The following FBXL13 variants were observed in gnomAD, a reference collection of about 807,000 sequenced individuals.
The protein encoded by FBXL13 is F-box and leucine-rich repeat protein 13.
A neutral mutation model predicts 83.6 loss-of-function variants in FBXL13; 67 were observed. The observed-to-expected ratio is 0.80, with a 90% confidence interval of 0.66 to 0.98. The LOEUF is 0.98. FBXL13 is among the 50% of genes least tolerant of loss of function. FBXL13 has a pLI of 0.00. For missense variants in FBXL13, 822 were observed against 866.5 expected (o/e 0.95, Z 0.64); for synonymous variants, 272 against 299.5 (o/e 0.91, Z 0.95).
chr7:102,937,856 C>T (rs1820629784), intron 8 of FBXL13, among the ~76,000 whole-genome samples: 1 of 152,080 alleles, frequency 6.6e-6, no homozygotes, highest in African/African-American at 2.4e-5. Context: ...ACAAGTATAC[C>T]ACATATACAT....
intron 6 of FBXL13, among the ~76,000 whole-genome samples, chr7:102,982,432 A>G (rs1237517451): frequency 6.6e-6 from 1 of 152,136 alleles, no homozygotes; most frequent in Admixed American, 6.5e-5. Context: ...CAGAGTATAT[A>G]CAGATTCCTA....
chr7:103,049,400 T>C (rs948405945), intron 2 of FBXL13, among the ~76,000 whole-genome samples: 2 of 152,258 alleles, frequency 1.3e-5, no homozygotes, highest in Non-Finnish European at 2.9e-5. Context: ...TTAAGTTACA[T>C]GAACTAAAAA....
chr7:102,849,327 T>A (rs953962612), intron 17 of FBXL13, among the ~76,000 whole-genome samples: 1 of 152,190 alleles, frequency 6.6e-6, no homozygotes, highest in African/African-American at 2.4e-5. Flanking sequence ...AGCCAGATCC[T>A]AAAAGTCAAT....
intron 6 of FBXL13, among the ~76,000 whole-genome samples, chr7:103,020,742 A>G (rs970079170): frequency 1.3e-5 from 2 of 152,234 alleles, no homozygotes; most frequent in African/African-American, 4.8e-5. Flanking sequence ...AATTGCTTCA[A>G]AGAGAATAAA....
chr7:102,842,244 C>T (rs1000158398), intron 17 of FBXL13, among the ~76,000 whole-genome samples: 3 of 152,142 alleles, frequency 2.0e-5, no homozygotes, highest in East Asian at 1.9e-4. Flanking sequence ...GCTTCTGTTG[C>T]GAACCATAAA....
intron 8 of FBXL13, chr7:102,944,371 T>C (rs1822059236): frequency 6.2e-7 from 1 of 1,614,112 alleles, no homozygotes; most frequent in Non-Finnish European, 8.5e-7. Context: ...CCTCTACTAC[T>C]GGTTAAAGCA....
exon 6 of FBXL13, chr7:103,025,191 T>A: frequency 6.3e-7 from 1 of 1,586,852 alleles, no homozygotes; most frequent in Non-Finnish European, 8.6e-7. Context: ...AGTATTAACC[T>A]ATTTTTCCAT....
chr7:102,813,889 C>T (rs1797639494), intron 19 of FBXL13, among the ~76,000 whole-genome samples: 1 of 152,096 alleles, frequency 6.6e-6, no homozygotes, highest in African/African-American at 2.4e-5. Flanking sequence ...AACCAGCCTA[C>T]CTGTGAAGGC....
At chr7:103,055,469 C>A (rs1227153972) in intron 2 of FBXL13, among the ~76,000 whole-genome samples, 175 bp downstream of exon 2, 1 of 152,156 alleles carries the variant, frequency 6.6e-6, no homozygotes, top group Non-Finnish European at 1.5e-5. Context: ...AGGTTGAGAT[C>A]TAGTGGGCAA....
intron 2 of FBXL13, among the ~76,000 whole-genome samples, chr7:103,048,751 CAG>C (rs2129494573): frequency 6.6e-6 from 1 of 152,308 alleles, no homozygotes; most frequent in South Asian, 2.1e-4. Context: ...TTTTCACACA[CAG>C]AATTTCTTTT....
At chr7:102,872,279 C>T (rs1460967620) in intron 16 of FBXL13, among the ~76,000 whole-genome samples, 3 of 152,182 alleles carry the variant, frequency 2.0e-5, no homozygotes, top group African/African-American at 7.2e-5. Flanking sequence ...GTCTTACTCA[C>T]ATTTGTTAAT....
chr7:102,905,963 G>A, intron 11 of FBXL13, among the ~76,000 whole-genome samples: 1 of 152,128 alleles, frequency 6.6e-6, no homozygotes, highest in East Asian at 1.9e-4. Context: ...CTGAGACTGG[G>A]AAGAAAAAGA....
chr7:102,984,097 A>G (rs1158304964), intron 6 of FBXL13, among the ~76,000 whole-genome samples: 4 of 152,208 alleles, frequency 2.6e-5, no homozygotes, highest in East Asian at 1.9e-4. Context: ...GGAACATCCA[A>G]TGGAGATATT....
intron 10 of FBXL13, among the ~76,000 whole-genome samples, chr7:102,914,991 G>A (rs1057050720): frequency 1.5e-4 from 23 of 152,226 alleles, no homozygotes; most frequent in African/African-American, 5.5e-4. Context: ...GGCAGGCCGC[G>A]TGACACAGTG....
rs148055940 is a variant in FBXL13, at chr7:102,932,019, T to C, written c.725-86A>G. The C allele has an allele frequency of 1.6e-4, 198 of 1,213,326 alleles. 1 individual carries two copies. In the East Asian group the frequency reaches 3.1e-3, roughly 19 times the overall value. The allele number at this position is 1,213,326 out of a possible 1,614,324, so 75.2% of individuals were successfully genotyped here. On this transcript the variant is annotated intron_variant, in intron 8 of 19. Transcript: ENST00000313221. ...TCTATCTTACATTGAATGCAATGTA[T>C]TCATTAGAAAACAAACAAAAACCTT...
At position 102,867,695 on chromosome 7, in the gene FBXL13, A is replaced by ATATTTT. The variant is rs1239781180; in HGVS notation, c.1635+9771_1635+9772insAAAATA. ...TATATATATATATATATATATATAT[A>ATATTTT]TTTTTTTTTTTTTTTTTTTTTTTTT... On this transcript the variant is annotated intron_variant, in intron 16 of 19. Coordinates refer to ENST00000313221, the Ensembl canonical transcript of FBXL13. Among the ~76,000 whole-genome samples, 44 of 49,080 alleles carry ATATTTT rather than the reference A, an allele frequency of 9.0e-4. 3 individuals carry two copies. The highest frequency in any genetic ancestry group is 4.9e-3 in the African/African-American group (40 of 8,166). The allele number at this position is 49,080 out of a possible 152,430, so 32.2% of individuals were successfully genotyped here.
intron 11 of FBXL13, among the ~76,000 whole-genome samples, chr7:102,889,885 C>T (rs1172500946): frequency 6.6e-6 from 1 of 151,680 alleles, no homozygotes; most frequent in Non-Finnish European, 1.5e-5. Context: ...ACGTTCATGA[C>T]AAGATTTCCT....
intron 6 of FBXL13, among the ~76,000 whole-genome samples, chr7:102,998,267 A>G (rs1241476107): frequency 6.6e-6 from 1 of 152,174 alleles, no homozygotes; most frequent in African/African-American, 2.4e-5. Flanking sequence ...TCTCTTTGCT[A>G]TTAAGTTCCT....
intron 6 of FBXL13, among the ~76,000 whole-genome samples, chr7:103,017,060 C>T (rs953402950): frequency 6.6e-6 from 1 of 152,234 alleles, no homozygotes; most frequent in Non-Finnish European, 1.5e-5. Context: ...AGTAGCCTAA[C>T]TGGGAGGCAT....
Sources: gnomAD v4.1 joint callset for allele counts (sites outside exome capture counted in the v4.1 genomes callset) on GRCh38, gnomAD v4.1.1 for gene constraint, MANE v1.5 for transcripts, NCBI Gene and HGNC (gene_info 2026-07-23, HGNC 2026-07-21) for gene names.